ITGB1: variants seen among roughly 807,000 people sequenced by gnomAD.
ITGB1 encodes integrin subunit beta 1, also known as integrin beta-1.
In ITGB1, 24 loss-of-function variants were observed where a neutral mutation model predicts 86.5. The ratio of observed to expected loss-of-function variants is 0.28; its 90% CI spans 0.20 to 0.39. The LOEUF (loss-of-function observed/expected upper bound fraction) is 0.39, where lower values mean the gene tolerates loss of function less well. Among genes scored for constraint, ITGB1 ranks in the 10% least tolerant of loss-of-function variants. ITGB1 has a pLI of 1.00. For missense variants in ITGB1, 556 were observed against 946.9 expected, an observed-to-expected ratio of 0.59 and a Z score of 5.42; for synonymous variants, 323 against 316.8, an observed-to-expected ratio of 1.02 and a Z score of -0.21.
chr10:32,933,262 T>A (rs1300013726), intron 2 of ITGB1: 1 of 152,150 alleles, frequency 6.6e-6, no homozygotes, highest in Admixed American at 6.5e-5. Context: ...AATTCAGAAT[T>A]TATCATTCTT....
chr10:32,911,268 T>A (rs1555219458), intron 13 of ITGB1, among the ~76,000 whole-genome samples, 180 bp downstream of exon 13: 1 of 152,176 alleles, frequency 6.6e-6, no homozygotes, highest in Non-Finnish European at 1.5e-5. Context: ...CTTCATACCA[T>A]GTAATATATA....
At chr10:32,912,475 C>T (rs573896760) in intron 11 of ITGB1, among the ~76,000 whole-genome samples, 76 of 152,304 alleles carry the variant, frequency 5.0e-4, no homozygotes, top group Middle Eastern at 3.4e-3. Context: ...TCTTAGAAAA[C>T]GGAACACCAG....
chr10:32,945,128 A>T (rs1412037727), intron 1 of ITGB1: 1 of 355,596 alleles, frequency 2.8e-6, no homozygotes, highest in African/African-American at 2.1e-5. Flanking sequence ...ATTTCTACTG[A>T]TTTTATTCTG....
Position 32,901,434 on chromosome 10 carries a change from A to T in ITGB1, c.*136T>A, listed in dbSNP as rs1267033088. ...TATTTTCAAAATAATAAAACATTTT[A>T]AAAATTATACATATTGTACATTTTC... On this transcript the variant is annotated 3_prime_UTR_variant, in exon 16 of 16. Coordinates refer to ENST00000302278, the MANE Select transcript of ITGB1 (RefSeq NM_002211.4). 1 of 552,268 alleles carries T rather than the reference A, an allele frequency of 1.8e-6. No individual in the cohort carries two copies. Among genetic ancestry groups the T allele is most frequent in the Non-Finnish European group, 3.2e-6 (1 of 317,314 alleles). The allele number at this position is 552,268 out of a possible 1,614,324, so 34.2% of individuals were successfully genotyped here.
rs148639764 is a variant in ITGB1 at position 32,901,724 on chromosome 10, A to G, written c.2332-89T>C. On this transcript the variant is annotated intron_variant, in intron 15 of 15. Transcript: ENST00000302278. The stretch of plus-strand genomic sequence containing the variant: ...TTATAAATCAAGACTAAAAGTTGCA[A>G]TCATCTTAAGAAGTCATTTCTATTT... 7,488 of 840,334 alleles carry G rather than the reference A, an allele frequency of 8.9e-3. 71 individuals carry two copies. Among genetic ancestry groups the G allele is most frequent in the Middle Eastern group, 0.037 (161 of 4,376 alleles). 52.1% of individuals were successfully genotyped at this position (840,334 alleles called of 1,614,324 possible). A position where few individuals can be genotyped will look rare whatever the true frequency, so the allele number is the denominator to read the frequency against.
intron 1 of ITGB1, among the ~76,000 whole-genome samples, chr10:32,937,755 A>C (rs2095007542): frequency 6.6e-6 from 1 of 152,120 alleles, no homozygotes; most frequent in South Asian, 2.1e-4. Flanking sequence ...TGTTTTTTAA[A>C]CTGTTAGGGT....
At chr10:32,943,335 T>C (rs569917642) in intron 1 of ITGB1, among the ~76,000 whole-genome samples, 21 of 152,282 alleles carry the variant, frequency 1.4e-4, no homozygotes, top group African/African-American at 5.1e-4. Context: ...ATAAACTAAA[T>C]GTTTATTATT....
chr10:32,926,083 C>CA lies in ITGB1; in HGVS notation c.573dup (p.Val192CysfsTer6). 6.2e-7 allele frequency: 1 copy of CA among 1,613,946 alleles called. No homozygotes were observed. Among genetic ancestry groups the CA allele is most frequent in the Non-Finnish European group, 8.5e-7 (1 of 1,179,928 alleles). On this transcript the variant is annotated frameshift_variant, in exon 6 of 16. Coordinates refer to ENST00000302278, the MANE Select transcript of ITGB1 (RefSeq NM_002211.4). LOFTEE classifies it high-confidence loss of function. Reference sequence around the variant, plus strand: ...GGTGTTGTGCTAATGTAAGGCATCACAGTCTTTTCCACAAATGAGCCAAAT... The same window carrying CA: ...GGTGTTGTGCTAATGTAAGGCATCACAAGTCTTTTCCACAAATGAGCCAAAT...
At chr10:32,927,523 G>A (rs1444325932) in intron 5 of ITGB1, among the ~76,000 whole-genome samples, 2 of 152,206 alleles carry the variant, frequency 1.3e-5, no homozygotes, top group Non-Finnish European at 2.9e-5. Context: ...CAGGCATGGT[G>A]GCTCACGCCT....
At chr10:32,925,113 G>T (rs1565825365) in intron 6 of ITGB1, among the ~76,000 whole-genome samples, 1 of 152,126 alleles carries the variant, frequency 6.6e-6, no homozygotes, top group African/African-American at 2.4e-5. Context: ...AGAGAATGGG[G>T]GCACTGGAGG....
Position 32,908,443 on chromosome 10 carries a change from C to T in ITGB1, c.2256G>A (p.Lys752=), listed in dbSNP as rs1013483956. 4 of 1,612,388 alleles carry T rather than the reference C, an allele frequency of 2.5e-6. No individual in the cohort carries two copies. Among genetic ancestry groups the T allele is most frequent in the South Asian group, 1.1e-5 (1 of 91,060 alleles). ...TTCTGTCATGAATTATCATTAAAAGCTTCCATATCAGCAGTAATGCAAGGC... is the reference window on the plus strand; with the variant it reads ...TTCTGTCATGAATTATCATTAAAAGTTTCCATATCAGCAGTAATGCAAGGC... ...LIGLALLLIW[K]LLMIIHDRRE... The change falls in exon 15 of 16, where the codon AAG becomes AAA. Residue 752 remains lysine, a synonymous_variant. Coordinates refer to ENST00000302278, the MANE Select transcript of ITGB1 (RefSeq NM_002211.4).
At position 32,900,360 on chromosome 10, in the gene ITGB1, A is replaced by G. The variant is rs2094878604; in HGVS notation, c.*1210T>C. 1 of 152,618 alleles carries G rather than the reference A, an allele frequency of 6.6e-6. No homozygotes were observed. Among genetic ancestry groups the G allele is most frequent in the Non-Finnish European group, 1.5e-5 (1 of 68,022 alleles). The allele number at this position is 152,618 out of a possible 1,614,324, so 9.5% of individuals were successfully genotyped here. ...TTTAATCTATAAAAATTTCATGCAC[A>G]CAACCTGATAAAATACATCAGAGTC... On this transcript the variant is annotated 3_prime_UTR_variant, in exon 16 of 16. Coordinates refer to ENST00000302278, the MANE Select transcript of ITGB1 (RefSeq NM_002211.4).
In ITGB1 at chr10:32,932,558, T is replaced by C. The variant is rs1347259034; in HGVS notation, c.110A>G (p.Glu37Gly). The change falls in exon 3 of 16, where the codon GAA (glutamate) becomes GGA (glycine). Residue 37 changes from glutamate (E) to glycine (G), a missense_variant. Glu to Gly is a moderately conservative substitution (Grantham distance 98, BLOSUM62 -2). Around this residue, in one of 4 missense-constraint regions of ITGB1, gnomAD observed 183 missense variants for 263.9 expected, o/e 0.69. Coordinates refer to ENST00000302278, the MANE Select transcript of ITGB1 (RefSeq NM_002211.4). ...CLKANAKSCG[E>G]CIQAGPNCGW... ...ACAATTTGGCCCTGCTTGTATACAT[T>C]CTCCACATGATTTGGCATTTGCTTT... The C allele has an allele frequency of 1.2e-6, 2 of 1,610,978 alleles. No homozygotes were observed. The highest frequency in any genetic ancestry group is 4.5e-5 in the East Asian group (2 of 44,788).
intron 1 of ITGB1, among the ~76,000 whole-genome samples, chr10:32,947,431 C>CTGTGTGTGTG (rs1298170328): frequency 5.4e-5 from 2 of 36,730 alleles, no homozygotes; most frequent in South Asian, 3.3e-3. Context: ...TCACATATAG[C>CTGTGTGTGTG]CGTGTGTGTG....
chr10:32,936,654 A>C (rs1447917484), intron 1 of ITGB1, among the ~76,000 whole-genome samples: 1 of 152,178 alleles, frequency 6.6e-6, no homozygotes, highest in Non-Finnish European at 1.5e-5. Context: ...CATTAGGTAC[A>C]TATATAACTA....
At chr10:32,948,071 C>T (rs1037816911) in intron 1 of ITGB1, among the ~76,000 whole-genome samples, 1 of 150,394 alleles carries the variant, frequency 6.6e-6, no homozygotes. Flanking sequence ...AGGGAAGACA[C>T]AAGATATGAA....
In ITGB1 at chr10:32,936,973, C is replaced by G. The variant is rs184607336; in HGVS notation, c.1-1415G>C. Among the ~76,000 whole-genome samples, 326 of 152,214 alleles carry G rather than the reference C, an allele frequency of 2.1e-3. 6 individuals carry two copies. Among genetic ancestry groups the G allele is most frequent in the Admixed American group, 0.016 (237 of 15,286 alleles). Reference sequence around the variant, plus strand: ...ACTATAGCAGATGGCTGCGAGAAACCAACTGGTAGCTCTGTGAACTGATAC... The same window carrying G: ...ACTATAGCAGATGGCTGCGAGAAACGAACTGGTAGCTCTGTGAACTGATAC... On this transcript the variant is annotated intron_variant, in intron 1 of 15. Coordinates refer to ENST00000302278, the MANE Select transcript of ITGB1 (RefSeq NM_002211.4).
intron 11 of ITGB1, among the ~76,000 whole-genome samples, chr10:32,912,364 C>A (rs1241167142): frequency 1.3e-5 from 2 of 152,196 alleles, no homozygotes; most frequent in Non-Finnish European, 2.9e-5. Context: ...CCGGGAAGCA[C>A]AAGGGGTCAA....
At chr10:32,947,672 T>C in intron 1 of ITGB1, among the ~76,000 whole-genome samples, 1 of 152,112 alleles carries the variant, frequency 6.6e-6, no homozygotes, top group Non-Finnish European at 1.5e-5. Context: ...AAACTAACGA[T>C]AAAAACAACT....
Sources: gnomAD v4.1 joint callset for allele counts (sites outside exome capture counted in the v4.1 genomes callset) on GRCh38, gnomAD v4.1.1 for gene constraint, gnomAD v4.1.1 regional missense constraint, MANE v1.5 for transcripts, NCBI Gene and HGNC (gene_info 2026-07-23, HGNC 2026-07-21) for gene names.